The following PAPSS1 variants were observed in gnomAD, a reference collection of about 807,000 sequenced individuals.
PAPSS1 encodes the protein bifunctional 3'-phosphoadenosine 5'-phosphosulfate synthase 1.
PAPSS1 carries 50 observed loss-of-function variants against 72.0 expected under a neutral mutation model. The observed-to-expected ratio is 0.69, with a 90% CI of 0.55 to 0.88. The LOEUF is 0.88. PAPSS1 is among the 40% of genes least tolerant of loss of function. The probability of loss-of-function intolerance (pLI) is 0.00; values close to 1 mark genes in which losing one functional copy is unlikely to be tolerated. For missense variants in PAPSS1, 657 were observed against 782.2 expected, an observed-to-expected ratio of 0.84 and a Z score of 1.91; for synonymous variants, 261 against 263.6, an observed-to-expected ratio of 0.99 and a Z score of 0.09.
chr4:107,655,052 G>GA (rs1185524794), intron 7 of PAPSS1, 152 bp from the exon 8 acceptor site: 3 of 459,436 alleles, frequency 6.5e-6, no homozygotes, highest in Non-Finnish European at 1.1e-5. Context: ...ACAGAAAAAC[G>GA]AAAGACAGAA....
intron 1 of PAPSS1, among the ~76,000 whole-genome samples, chr4:107,718,599 C>G (rs919637595): frequency 3.9e-5 from 6 of 152,218 alleles, no homozygotes; most frequent in Non-Finnish European, 8.8e-5. Flanking sequence ...AATGTCACAA[C>G]CCCAACACAA....
At chr4:107,708,270 A>AAAGAG (rs1157946601) in intron 1 of PAPSS1, among the ~76,000 whole-genome samples, 2 of 152,330 alleles carry the variant, frequency 1.3e-5, no homozygotes, top group East Asian at 3.9e-4. Flanking sequence ...AGAACTTAAA[A>AAAGAG]AAGAGGGCTT....
At chr4:107,644,081 C>T (rs1460368753) in intron 10 of PAPSS1, among the ~76,000 whole-genome samples, 2 of 152,146 alleles carry the variant, frequency 1.3e-5, no homozygotes, top group African/African-American at 2.4e-5. Context: ...CCTCGACAAC[C>T]GTCTTGTATT....
At chr4:107,621,525 C>G (rs1487015159) in intron 11 of PAPSS1, among the ~76,000 whole-genome samples, 1 of 150,722 alleles carries the variant, frequency 6.6e-6, no homozygotes, top group East Asian at 2.0e-4. Flanking sequence ...CCATTTACCC[C>G]TTATTCACCC....
intron 7 of PAPSS1, 145 bp downstream of exon 7, chr4:107,656,751 G>C (rs1674030418): frequency 1.7e-6 from 1 of 604,298 alleles, no homozygotes; most frequent in Admixed American, 3.0e-5. Context: ...CTTAAATAAA[G>C]TGTTCGGTAC....
At chr4:107,663,345 G>A (rs1484912022) in intron 5 of PAPSS1, among the ~76,000 whole-genome samples, 1 of 152,072 alleles carries the variant, frequency 6.6e-6, no homozygotes, top group Non-Finnish European at 1.5e-5. Context: ...GCAATCTTGA[G>A]CATCTTACAA....
intron 10 of PAPSS1, among the ~76,000 whole-genome samples, chr4:107,642,567 T>C (rs1245542911): frequency 6.6e-6 from 1 of 152,238 alleles, no homozygotes; most frequent in Non-Finnish European, 1.5e-5. Flanking sequence ...TTAGTTAACA[T>C]ATGTAAAGCA....
chr4:107,656,314 C>T (rs951975274), intron 7 of PAPSS1, among the ~76,000 whole-genome samples: 89 of 152,256 alleles, frequency 5.8e-4, no homozygotes, highest in African/African-American at 2.0e-3. Flanking sequence ...TGGGGTTTCA[C>T]CATGTTGGCC....
chr4:107,620,813 T>C (rs1252602220), intron 11 of PAPSS1, among the ~76,000 whole-genome samples: 1 of 152,096 alleles, frequency 6.6e-6, no homozygotes, highest in African/African-American at 2.4e-5. Context: ...TTTTATAAAA[T>C]GTAAATTTCA....
chr4:107,633,135 T>C (rs944884812), intron 10 of PAPSS1, among the ~76,000 whole-genome samples: 7 of 152,358 alleles, frequency 4.6e-5, no homozygotes, highest in Admixed American at 2.6e-4. Context: ...GTATATAACA[T>C]AGACCTTATT....
At chr4:107,703,075 G>T (rs1723245208) in intron 1 of PAPSS1, among the ~76,000 whole-genome samples, 1 of 152,094 alleles carries the variant, frequency 6.6e-6, no homozygotes, top group Non-Finnish European at 1.5e-5. Flanking sequence ...GGTTTTAATT[G>T]CATTTCCCTG....
chr4:107,641,584 T>C (rs1232169168), intron 10 of PAPSS1, among the ~76,000 whole-genome samples: 1 of 152,244 alleles, frequency 6.6e-6, no homozygotes, highest in African/African-American at 2.4e-5. Context: ...GAATAAAACC[T>C]TCCTCACCAA....
chr4:107,660,882 T>C (rs1276287680), intron 5 of PAPSS1, among the ~76,000 whole-genome samples: 3 of 152,180 alleles, frequency 2.0e-5, no homozygotes, highest in Admixed American at 1.3e-4. Flanking sequence ...AATACTTTGT[T>C]ATTCAAAATA....
chr4:107,681,401 G>A (rs937983410), intron 5 of PAPSS1, among the ~76,000 whole-genome samples: 8 of 152,140 alleles, frequency 5.3e-5, no homozygotes, highest in Non-Finnish European at 1.0e-4. Flanking sequence ...ATTGAGGGTA[G>A]TATGGACAAA....
At chr4:107,687,291 T>A in intron 3 of PAPSS1, 114 bp from the exon 4 acceptor site, 1 of 721,550 alleles carries the variant, frequency 1.4e-6, no homozygotes, top group Non-Finnish European at 2.1e-6. Context: ...AGACAAAATT[T>A]ATGTTTTTAA....
At chr4:107,648,466 A>C (rs564018525) in intron 9 of PAPSS1, among the ~76,000 whole-genome samples, 1 of 152,294 alleles carries the variant, frequency 6.6e-6, no homozygotes, top group East Asian at 1.9e-4. Flanking sequence ...AATCCTAGTC[A>C]ATCTTCCTCA....
Position 107,687,191 on chromosome 4 carries a change from A to G in PAPSS1, c.412-14T>C, listed in dbSNP as rs531759166. On this transcript the variant is annotated splice_polypyrimidine_tract_variant and intron_variant, in intron 3 of 11. Transcript: ENST00000265174. Reference sequence around the variant, plus strand: ...ATTGTTGCGATCCTTAAAAAAAAATAAAATAAAAAGTGATCACACAAATCA... The same window carrying G: ...ATTGTTGCGATCCTTAAAAAAAAATGAAATAAAAAGTGATCACACAAATCA... 2 of 1,539,832 alleles carry G rather than the reference A, an allele frequency of 1.3e-6. No individual in the cohort carries two copies. Among genetic ancestry groups the G allele is most frequent in the South Asian group, 2.6e-5 (2 of 78,010 alleles).
intron 10 of PAPSS1, among the ~76,000 whole-genome samples, chr4:107,632,796 G>GTC (rs1477349799): frequency 1.3e-5 from 2 of 152,158 alleles, no homozygotes; most frequent in Non-Finnish European, 2.9e-5. Flanking sequence ...TCCTTTCAGT[G>GTC]TAAGTCTCCA....
At chr4:107,677,672 A>C (rs1727691740) in intron 5 of PAPSS1, among the ~76,000 whole-genome samples, 1 of 152,200 alleles carries the variant, frequency 6.6e-6, no homozygotes, top group Non-Finnish European at 1.5e-5. Flanking sequence ...TGGACCCAAC[A>C]ATCCCATTAC....
Sources: gnomAD v4.1 joint callset for allele counts (sites outside exome capture counted in the v4.1 genomes callset) on GRCh38, gnomAD v4.1.1 for gene constraint, MANE v1.5 for transcripts, NCBI Gene and HGNC (gene_info 2026-07-23, HGNC 2026-07-21) for gene names.